Variants in COL23A1 observed in about 807,000 individuals in gnomAD.
COL23A1 encodes the protein collagen type XXIII alpha 1 chain.
COL23A1 carries 97 observed loss-of-function variants against 99.3 expected under a neutral mutation model. The observed-to-expected ratio is 0.98, with a 90% CI of 0.83 to 1.16. The LOEUF is 1.16. Among genes scored for constraint, COL23A1 ranks in the 50% most tolerant of loss-of-function variants. The pLI is 0.00. For synonymous variants in COL23A1, 320 were observed against 308.2 expected (o/e 1.04, Z -0.40); for missense variants, 762 against 757.4 (o/e 1.01, Z -0.07).
chr5:178,385,685 G>A (rs527527676), intron 2 of COL23A1, among the ~76,000 whole-genome samples: 5 of 152,296 alleles, frequency 3.3e-5, no homozygotes, highest in Middle Eastern at 3.4e-3. Context: ...GCCACACGTC[G>A]TGGCTTGATG....
Position 178,519,701 on chromosome 5 carries a change from G to GTC in COL23A1, c.361+40980_361+40981insGA, listed in dbSNP as rs371477333. 2.6e-4 allele frequency among the ~76,000 whole-genome samples: 40 copies of GTC among 152,336 alleles called. No homozygotes were observed. The South Asian group carries it at 4.6e-3, about 17-fold the overall frequency. On this transcript the variant is annotated intron_variant, in intron 2 of 28. Transcript: ENST00000390654. ...CTGGTCACTGGTGCTGCCCATCACT[G>GTC]TATCTAAGAGCCTAGCACAGGACAT...
At chr5:178,347,891 AAAAAAACCC>A (rs1761073106) in intron 2 of COL23A1, among the ~76,000 whole-genome samples, 1 of 45,232 alleles carries the variant, frequency 2.2e-5, no homozygotes, top group Non-Finnish European at 4.3e-5. Flanking sequence ...AAAAAAAAAA[AAAAAAACCC>A]AAAAAAACAA....
intron 1 of COL23A1, among the ~76,000 whole-genome samples, chr5:178,578,291 C>A (rs1327161641): frequency 2.0e-5 from 3 of 152,190 alleles, no homozygotes; most frequent in Admixed American, 6.5e-5. Context: ...ATGCATTCTC[C>A]TGGCACACAC....
Position 178,544,383 on chromosome 5 carries a change from G to A in COL23A1, c.361+16299C>T, listed in dbSNP as rs1201073589. 1.3e-5 allele frequency among the ~76,000 whole-genome samples: 2 copies of A among 152,230 alleles called. No homozygotes were observed. The highest frequency in any genetic ancestry group is 2.9e-5 in the Non-Finnish European group (2 of 68,046). ...GCACTTCAGGGAGGACGCAGGCGCA[G>A]GGCCGGGGAGCTGGGAGGCACCACT... On this transcript the variant is annotated intron_variant, in intron 2 of 28. Coordinates refer to ENST00000390654, the MANE Select transcript of COL23A1 (RefSeq NM_173465.4). The surrounding 1 kb of genome is among the most constrained non-coding windows in gnomAD (Gnocchi z 4.4).
At chr5:178,512,403 C>A (rs183846244) in intron 2 of COL23A1, among the ~76,000 whole-genome samples, 2 of 152,312 alleles carry the variant, frequency 1.3e-5, no homozygotes, top group East Asian at 3.9e-4. Flanking sequence ...AAGAGTGAAT[C>A]ATTTATGGAC....
intron 16 of COL23A1, among the ~76,000 whole-genome samples, chr5:178,253,836 A>G (rs1406160165): frequency 2.0e-5 from 3 of 151,858 alleles, no homozygotes; most frequent in African/African-American, 7.2e-5. Flanking sequence ...CCCGCTGCCC[A>G]TCAAACTGAG....
intron 2 of COL23A1, among the ~76,000 whole-genome samples, chr5:178,341,790 C>A (rs897266644): frequency 6.6e-6 from 1 of 152,042 alleles, no homozygotes; most frequent in African/African-American, 2.4e-5. Flanking sequence ...CAGCAGCAGC[C>A]GGCACCCCGC....
At chr5:178,394,537 C>T (rs1002565845) in intron 2 of COL23A1, among the ~76,000 whole-genome samples, 1 of 152,232 alleles carries the variant, frequency 6.6e-6, no homozygotes, top group East Asian at 1.9e-4. Context: ...CACGATGTTC[C>T]GGCCTCAACA....
chr5:178,240,617 C>A (rs1237219536), intron 27 of COL23A1, among the ~76,000 whole-genome samples: 2 of 152,254 alleles, frequency 1.3e-5, no homozygotes, highest in Non-Finnish European at 2.9e-5. Context: ...GCTGGGCCAC[C>A]CTGCCCCTGC....
chr5:178,528,972 G>A (rs894072284), intron 2 of COL23A1, among the ~76,000 whole-genome samples: 2 of 152,246 alleles, frequency 1.3e-5, no homozygotes, highest in African/African-American at 4.8e-5. Context: ...AAAACAACAT[G>A]ACCCAAAATT....
chr5:178,342,962 T>C (rs1279425798), intron 2 of COL23A1, among the ~76,000 whole-genome samples: 1 of 152,164 alleles, frequency 6.6e-6, no homozygotes, highest in South Asian at 2.1e-4. Context: ...AGAACCACAC[T>C]TTCCAACAAC....
intron 2 of COL23A1, among the ~76,000 whole-genome samples, chr5:178,424,793 T>G (rs924828575): frequency 3.9e-5 from 6 of 152,234 alleles, no homozygotes; most frequent in Non-Finnish European, 7.3e-5. Flanking sequence ...AAAATGCAGA[T>G]GATAATCTCT....
intron 2 of COL23A1, among the ~76,000 whole-genome samples, chr5:178,442,186 C>T (rs1270238742): frequency 1.3e-5 from 2 of 151,894 alleles, no homozygotes; most frequent in African/African-American, 2.4e-5. Context: ...AGTCTGAACT[C>T]CATCTCTCTC....
chr5:178,333,625 T>A (rs1257909313), intron 2 of COL23A1, among the ~76,000 whole-genome samples: 1 of 152,004 alleles, frequency 6.6e-6, no homozygotes, highest in Non-Finnish European at 1.5e-5. Context: ...GCGCCCACAG[T>A]CCCCTGCACA....
rs1764191528 is a variant in COL23A1 at position 178,237,721 on chromosome 5, G to A, written c.*977C>T. ...GTTGCTGGGAACACTTGCTGGAGGT[G>A]GAAAAGCCTCTCGTCAGAGCGTGGG... is the stretch of plus-strand genomic sequence containing the variant. On this transcript the variant is annotated 3_prime_UTR_variant, in exon 29 of 29. Coordinates refer to ENST00000390654, the MANE Select transcript of COL23A1 (RefSeq NM_173465.4). 6.6e-6 allele frequency: 1 copy of A among 152,646 alleles called. No individual in the cohort carries two copies. The highest frequency in any genetic ancestry group is 1.5e-5 in the Non-Finnish European group (1 of 68,112). The allele number at this position is 152,646 out of a possible 1,614,324, so 9.5% of individuals were successfully genotyped here. A position where few individuals can be genotyped will look rare whatever the true frequency, so the allele number is the denominator to read the frequency against.
At chr5:178,558,266 C>T (rs1430560793) in intron 2 of COL23A1, among the ~76,000 whole-genome samples, 1 of 152,042 alleles carries the variant, frequency 6.6e-6, no homozygotes, top group Non-Finnish European at 1.5e-5. Context: ...TCCATAACCT[C>T]AGAAAGCCCC....
chr5:178,407,256 T>C (rs1333198694), intron 2 of COL23A1, among the ~76,000 whole-genome samples: 1 of 152,192 alleles, frequency 6.6e-6, no homozygotes, highest in Admixed American at 6.5e-5. Flanking sequence ...CCACCTTAAG[T>C]GTCAATGGAA....
chr5:178,357,208 G>A (rs1581215452), intron 2 of COL23A1, among the ~76,000 whole-genome samples: 1 of 152,208 alleles, frequency 6.6e-6, no homozygotes, highest in South Asian at 2.1e-4. Flanking sequence ...CCTTGAGGGC[G>A]CCTGCCCAGT....
rs28433728 is a variant in COL23A1, at chr5:178,259,647, C to T, written c.729+74G>A. 8.2e-4 allele frequency: 1,147 copies of T among 1,405,398 alleles called. 2 individuals are homozygous for T. The African/African-American group carries it at 0.011, about 14-fold the overall frequency. The allele number at this position is 1,405,398 out of a possible 1,614,324, so 87.1% of individuals were successfully genotyped here. A position where few individuals can be genotyped will look rare whatever the true frequency, so the allele number is the denominator to read the frequency against. On this transcript the variant is annotated intron_variant, in intron 12 of 28. Coordinates refer to ENST00000390654, the MANE Select transcript of COL23A1 (RefSeq NM_173465.4). ...CCCGTCCCCATCCCCATCCCCATTC[C>T]GTCCCAGCCCCTGCCCTTCTCTCCA... is the stretch of plus-strand genomic sequence containing the variant.
Sources: gnomAD v4.1 joint callset for allele counts (sites outside exome capture counted in the v4.1 genomes callset) on GRCh38, gnomAD v4.1.1 for gene constraint, Gnocchi (gnomAD v3.1) non-coding constraint, MANE v1.5 for transcripts, NCBI Gene and HGNC (gene_info 2026-07-23, HGNC 2026-07-21) for gene names.